ADGRB3: variants seen among roughly 807,000 people sequenced by gnomAD.
ADGRB3 encodes the protein brain-specific angiogenesis inhibitor 3.
Under a neutral mutation model 193.4 loss-of-function variants are expected in ADGRB3, and 37 were observed. The ratio of observed to expected loss-of-function variants is 0.19; its 90% CI spans 0.15 to 0.25. ADGRB3 has a LOEUF of 0.25. Ranked by LOEUF, ADGRB3 falls within the 10% of genes least tolerant of loss-of-function variation. The pLI is 1.00. For missense variants in ADGRB3, 1,637 were observed against 1,852.9 expected (o/e 0.88, Z 2.14); for synonymous variants, 690 against 644.2 (o/e 1.07, Z -1.08).
At chr6:69,014,347 A>C (rs1247615826) in intron 12 of ADGRB3, among the ~76,000 whole-genome samples, 1 of 152,040 alleles carries the variant, frequency 6.6e-6, no homozygotes, top group Non-Finnish European at 1.5e-5. Flanking sequence ...TTTAATGTGT[A>C]ATAATTATAT....
intron 3 of ADGRB3, among the ~76,000 whole-genome samples, chr6:68,747,101 T>G (rs1192516421): frequency 6.6e-6 from 1 of 152,178 alleles, no homozygotes; most frequent in Non-Finnish European, 1.5e-5. Flanking sequence ...TTCATTGAAT[T>G]AAATTATATA....
At chr6:69,383,003 G>A in intron 31 of ADGRB3, 68 bp downstream of exon 31, 6 of 1,075,232 alleles carry the variant, frequency 5.6e-6, no homozygotes, top group Non-Finnish European at 8.1e-6. Flanking sequence ...CTGCCTTCCA[G>A]GACCTCCTAA....
intron 12 of ADGRB3, among the ~76,000 whole-genome samples, chr6:69,016,871 A>G (rs1464840809): frequency 6.6e-6 from 1 of 151,920 alleles, no homozygotes; most frequent in Non-Finnish European, 1.5e-5. Flanking sequence ...ACACAAAAAA[A>G]TAAGCCTCTT....
At chr6:68,846,450 C>G (rs1474163247) in intron 3 of ADGRB3, among the ~76,000 whole-genome samples, 1 of 152,188 alleles carries the variant, frequency 6.6e-6, no homozygotes, top group Admixed American at 6.5e-5. Flanking sequence ...CATCACAGGC[C>G]CAGATGCCCA....
At chr6:69,245,970 T>C (rs1183344561) in intron 20 of ADGRB3, among the ~76,000 whole-genome samples, 1 of 152,126 alleles carries the variant, frequency 6.6e-6, no homozygotes, top group Non-Finnish European at 1.5e-5. Context: ...TAATAGCTGT[T>C]GTTAGTCTTA....
chr6:68,918,111 A>G (rs530222517), intron 3 of ADGRB3, among the ~76,000 whole-genome samples: 1 of 152,310 alleles, frequency 6.6e-6, no homozygotes, highest in Admixed American at 6.5e-5. Flanking sequence ...CTAAAACACA[A>G]TGGAAAACAT....
At chr6:69,086,848 A>G (rs1772564811) in intron 17 of ADGRB3, among the ~76,000 whole-genome samples, 1 of 152,154 alleles carries the variant, frequency 6.6e-6, no homozygotes, top group Non-Finnish European at 1.5e-5. Flanking sequence ...AACAGTTTCA[A>G]AAGATGAATA....
At chr6:68,880,617 T>C (rs1483512472) in intron 3 of ADGRB3, among the ~76,000 whole-genome samples, 1 of 152,090 alleles carries the variant, frequency 6.6e-6, no homozygotes, top group East Asian at 1.9e-4. Context: ...GGGTCAATGC[T>C]CCCCAAGGGG....
chr6:69,312,083 G>T (rs551757825), intron 20 of ADGRB3, among the ~76,000 whole-genome samples: 7 of 151,800 alleles, frequency 4.6e-5, no homozygotes, highest in African/African-American at 1.7e-4. Flanking sequence ...TTCTGCCAAT[G>T]GAAGTGGAGC....
chr6:68,954,673 C>T (rs1471626868), intron 6 of ADGRB3, among the ~76,000 whole-genome samples: 4 of 149,086 alleles, frequency 2.7e-5, no homozygotes, highest in African/African-American at 4.9e-5. Flanking sequence ...TTATTTAAAT[C>T]GTTCAATGGC....
At chr6:69,182,571 A>G (rs1022266532) in intron 17 of ADGRB3, among the ~76,000 whole-genome samples, 1 of 151,304 alleles carries the variant, frequency 6.6e-6, no homozygotes, top group African/African-American at 2.4e-5. Flanking sequence ...TTGGCCTGAG[A>G]CTCTAATCTT....
intron 31 of ADGRB3, among the ~76,000 whole-genome samples, chr6:69,383,637 G>A (rs1769998878): frequency 6.6e-6 from 1 of 151,994 alleles, no homozygotes. Flanking sequence ...CTGATCTTAA[G>A]CAAGTCACCC....
intron 16 of ADGRB3, among the ~76,000 whole-genome samples, chr6:69,066,730 T>C (rs1426296288): frequency 6.6e-6 from 1 of 152,090 alleles, no homozygotes; most frequent in African/African-American, 2.4e-5. Flanking sequence ...ATTAATTGCT[T>C]TAAAGAAATA....
chr6:68,662,702 A>G (rs1768694980), intron 3 of ADGRB3, among the ~76,000 whole-genome samples: 1 of 151,452 alleles, frequency 6.6e-6, no homozygotes, highest in Non-Finnish European at 1.5e-5. Flanking sequence ...TTAGAACACA[A>G]TGTATCATCT....
At chr6:69,174,970 C>G (rs936421265) in intron 17 of ADGRB3, among the ~76,000 whole-genome samples, 17 of 152,140 alleles carry the variant, frequency 1.1e-4, no homozygotes, top group Admixed American at 3.3e-4. Context: ...TTGCTTTTTG[C>G]TTGTTGAATT....
At chr6:69,079,208 T>C (rs1772318744) in intron 17 of ADGRB3, among the ~76,000 whole-genome samples, 1 of 152,054 alleles carries the variant, frequency 6.6e-6, no homozygotes, top group South Asian at 2.1e-4. Flanking sequence ...GAAACATATT[T>C]GTTTTGTTCT....
At chr6:69,305,671 C>T (rs542397467) in intron 20 of ADGRB3, among the ~76,000 whole-genome samples, 7 of 151,058 alleles carry the variant, frequency 4.6e-5, no homozygotes, top group South Asian at 2.1e-4. Context: ...GCCATGGTGA[C>T]GTTTGTGGAG....
intron 4 of ADGRB3, among the ~76,000 whole-genome samples, 193 bp from the exon 5 acceptor site, chr6:68,936,326 G>T (rs1767485440): frequency 6.6e-6 from 1 of 152,132 alleles, no homozygotes. Context: ...GCAAAACTTG[G>T]TGTTTGCATC....
intron 3 of ADGRB3, among the ~76,000 whole-genome samples, chr6:68,674,832 T>C (rs370695468): frequency 2.0e-5 from 3 of 152,302 alleles, no homozygotes; most frequent in African/African-American, 7.2e-5. Flanking sequence ...AGAGGCAAAA[T>C]TTAATTCAAA....
Sources: allele counts gnomAD v4.1 joint callset (sites outside exome capture counted in the v4.1 genomes callset), GRCh38; gene constraint gnomAD v4.1.1; transcripts MANE v1.5; gene names NCBI Gene and HGNC (gene_info 2026-07-23, HGNC 2026-07-21).